The following SHROOM3 variants were observed in gnomAD, a reference collection of about 807,000 sequenced individuals.
SHROOM3 encodes the protein protein Shroom3.
A neutral mutation model predicts 138.6 loss-of-function variants in SHROOM3; 47 were observed. The observed-to-expected ratio is 0.34, with a 90% CI of 0.27 to 0.43. The LOEUF is 0.43. SHROOM3 is among the 20% of genes least tolerant of loss of function. The probability of loss-of-function intolerance (pLI) is 1.00; values close to 1 mark genes in which losing one functional copy is unlikely to be tolerated. For synonymous variants in SHROOM3, 1,062 were observed against 1,063.3 expected (o/e 1.00, Z 0.02); for missense variants, 2,491 against 2,596.5 (o/e 0.96, Z 0.88).
Position 76,741,793 on chromosome 4 carries a change from G to T in SHROOM3, c.3620G>T (p.Arg1207Met). The stretch of plus-strand genomic sequence containing the variant: ...ACCCAGAGAGGGGATGAGACCCCCA[G>T]GGAGCCATCCTCCTGGGGGGCCAGG... Reference protein sequence around the residue: ...RGTQRGDETPREPSSWGARAG... With the variant: ...RGTQRGDETPMEPSSWGARAG... Residue 1207 changes from arginine (R) to methionine (M), a missense_variant, in exon 5 of 11, where the codon AGG becomes ATG. By Grantham distance (91) the Arg-to-Met change is moderately conservative (BLOSUM62 -1). Coordinates refer to ENST00000296043, the MANE Select transcript of SHROOM3 (RefSeq NM_020859.4). This position sits in a 1 kb window ranked among gnomAD's most constrained non-coding sequence, Gnocchi z 6.2. 1 of 1,581,176 alleles carries T rather than the reference G, an allele frequency of 6.3e-7. No individual in the cohort carries two copies. Among genetic ancestry groups the T allele is most frequent in the East Asian group, 2.3e-5 (1 of 43,430 alleles).
intron 2 of SHROOM3, among the ~76,000 whole-genome samples, chr4:76,703,830 G>A (rs1015833722): frequency 2.0e-5 from 3 of 152,298 alleles, no homozygotes; most frequent in East Asian, 3.9e-4. Flanking sequence ...AGGATTCTGA[G>A]GACAAACTTA....
intron 2 of SHROOM3, among the ~76,000 whole-genome samples, chr4:76,560,970 GA>G (rs1435841200): frequency 6.6e-6 from 1 of 152,188 alleles, no homozygotes; most frequent in East Asian, 1.9e-4. Context: ...TGAATCTACT[GA>G]AAACAAGTTG....
intron 1 of SHROOM3, among the ~76,000 whole-genome samples, chr4:76,485,976 C>A (rs189564557): frequency 6.6e-6 from 1 of 152,132 alleles, no homozygotes; most frequent in Admixed American, 6.5e-5. Flanking sequence ...TGTTTTTCTC[C>A]TTCTTAAACA....
At chr4:76,662,795 T>C (rs577954147) in intron 2 of SHROOM3, among the ~76,000 whole-genome samples, 17 of 152,210 alleles carry the variant, frequency 1.1e-4, no homozygotes, top group African/African-American at 3.1e-4. Context: ...GGCAGGAAGA[T>C]TGCTTGAGCC....
intron 2 of SHROOM3, among the ~76,000 whole-genome samples, chr4:76,558,179 G>C (rs552485370): frequency 6.6e-6 from 1 of 152,312 alleles, no homozygotes; most frequent in South Asian, 2.1e-4. Context: ...GTGGCTTCTG[G>C]TAGGCCTTCT....
intron 2 of SHROOM3, among the ~76,000 whole-genome samples, chr4:76,656,638 G>T (rs369114177): frequency 3.9e-5 from 6 of 152,156 alleles, no homozygotes; most frequent in Non-Finnish European, 8.8e-5. Context: ...TGCATTTATT[G>T]TAGTATCTCC....
chr4:76,583,797 G>A (rs1734095914), intron 2 of SHROOM3, among the ~76,000 whole-genome samples: 1 of 152,128 alleles, frequency 6.6e-6, no homozygotes, highest in Admixed American at 6.6e-5. Context: ...CCGACACATA[G>A]TAACTACTAA....
chr4:76,491,155 C>T (rs1328039102), intron 1 of SHROOM3, among the ~76,000 whole-genome samples: 1 of 152,124 alleles, frequency 6.6e-6, no homozygotes, highest in Non-Finnish European at 1.5e-5. Flanking sequence ...ATGGAAGACT[C>T]CCTGAGAAGG....
chr4:76,493,030 GAC>G (rs1456285031), intron 1 of SHROOM3, among the ~76,000 whole-genome samples: 42 of 152,188 alleles, frequency 2.8e-4, no homozygotes, highest in African/African-American at 9.9e-4. Context: ...ACACCAACCT[GAC>G]CAGCATGGTG....
intron 9 of SHROOM3, among the ~76,000 whole-genome samples, chr4:76,766,428 A>T (rs1722157744): frequency 6.6e-6 from 1 of 152,192 alleles, no homozygotes; most frequent in Non-Finnish European, 1.5e-5. Flanking sequence ...ACATTTCTGC[A>T]GAGGATGAGG....
At chr4:76,475,332 G>A (rs1560517438) in intron 1 of SHROOM3, among the ~76,000 whole-genome samples, 1 of 152,172 alleles carries the variant, frequency 6.6e-6, no homozygotes, top group Non-Finnish European at 1.5e-5. Context: ...GTCTCAATGG[G>A]TTGCTATATT....
At chr4:76,651,406 ATATATATATAT>A (rs1735957714) in intron 2 of SHROOM3, among the ~76,000 whole-genome samples, 5 of 14,684 alleles carry the variant, frequency 3.4e-4, no homozygotes, top group African/African-American at 1.8e-3. Flanking sequence ...CCATAAATAT[ATATATATATAT>A]ATATATATAT....
chr4:76,617,032 GGTGAA>G (rs746164975), intron 2 of SHROOM3, among the ~76,000 whole-genome samples: 1 of 152,190 alleles, frequency 6.6e-6, no homozygotes, highest in East Asian at 1.9e-4. Flanking sequence ...GCATTTGAAA[GGTGAA>G]GTAGCACTGT....
intron 1 of SHROOM3, among the ~76,000 whole-genome samples, chr4:76,468,274 GA>G (rs1197883542): frequency 6.6e-6 from 1 of 152,216 alleles, no homozygotes; most frequent in Non-Finnish European, 1.5e-5. Context: ...CCTACAGAGA[GA>G]GTATCTTGGC....
intron 2 of SHROOM3, among the ~76,000 whole-genome samples, chr4:76,634,515 G>A (rs7686180): frequency 0.27 from 40,384 of 151,974 alleles, 5,787 homozygotes; most frequent in East Asian, 0.38. Context: ...CACTTTCAAC[G>A]TTTCCCAATG....
intron 1 of SHROOM3, among the ~76,000 whole-genome samples, chr4:76,529,348 G>A (rs539574778): frequency 2.1e-4 from 31 of 150,682 alleles, no homozygotes; most frequent in East Asian, 7.8e-4. Flanking sequence ...ACAGAGTCTC[G>A]CTCTGTTGCC....
intron 2 of SHROOM3, among the ~76,000 whole-genome samples, chr4:76,622,624 C>CA (rs1263232003): frequency 6.6e-6 from 1 of 151,784 alleles, no homozygotes; most frequent in Non-Finnish European, 1.5e-5. Context: ...CAAGAAGGAA[C>CA]AAAAAATGGA....
At chr4:76,657,818 C>A (rs1235803786) in intron 2 of SHROOM3, among the ~76,000 whole-genome samples, 1 of 152,218 alleles carries the variant, frequency 6.6e-6, no homozygotes, top group Non-Finnish European at 1.5e-5. Context: ...TGGTCAACAC[C>A]TGGTCCCCTG....
At chr4:76,647,937 G>GTTTTTTTCTGTATTATT (rs1735862379) in intron 2 of SHROOM3, among the ~76,000 whole-genome samples, 2 of 152,110 alleles carry the variant, frequency 1.3e-5, no homozygotes, top group African/African-American at 4.8e-5. Flanking sequence ...TATGGACCTA[G>GTTTTTTTCTGTATTATT]ATATTTTATT....
Sources: gnomAD v4.1 joint callset for allele counts (sites outside exome capture counted in the v4.1 genomes callset) on GRCh38, gnomAD v4.1.1 for gene constraint, Gnocchi (gnomAD v3.1) non-coding constraint, MANE v1.5 for transcripts, NCBI Gene and HGNC (gene_info 2026-07-23, HGNC 2026-07-21) for gene names.